The following SLC4A10 variants were observed in gnomAD, a reference collection of about 807,000 sequenced individuals.
The protein encoded by SLC4A10 is solute carrier family 4 member 10.
Under a neutral mutation model 137.7 loss-of-function variants are expected in SLC4A10, and 42 were observed. The ratio of observed to expected loss-of-function variants is 0.30; its 90% CI spans 0.24 to 0.39. The LOEUF (loss-of-function observed/expected upper bound fraction) is 0.39, where lower values mean the gene tolerates loss of function less well. SLC4A10 is among the 10% of genes least tolerant of loss of function. The probability of loss-of-function intolerance (pLI) is 1.00; values close to 1 mark genes in which losing one functional copy is unlikely to be tolerated. For missense variants in SLC4A10, 925 were observed against 1,355.0 expected (o/e 0.68, Z 4.98); for synonymous variants, 474 against 464.1 (o/e 1.02, Z -0.27).
In SLC4A10 at chr2:161,879,305, C is replaced by T. The variant is rs768805044; in HGVS notation, c.1106+17C>T. The T allele has an allele frequency of 2.7e-5, 42 of 1,584,042 alleles. No homozygotes were observed. Among genetic ancestry groups the T allele is most frequent in the Non-Finnish European group, 3.4e-5 (40 of 1,164,276 alleles). On this transcript the variant is annotated intron_variant, in intron 9 of 26. Coordinates refer to ENST00000446997, the MANE Select transcript of SLC4A10 (RefSeq NM_001178015.2). ...CCCAACCAGGTAAAAAGTATAAAAG[C>T]GTCTTTTGTATTTTTCTTAAACCAT...
chr2:161,680,482 C>G (rs1464766167), intron 1 of SLC4A10, among the ~76,000 whole-genome samples: 1 of 151,838 alleles, frequency 6.6e-6, no homozygotes, highest in Admixed American at 6.6e-5. Context: ...AAGTACTGGA[C>G]TGGAATGGCT....
intron 23 of SLC4A10, among the ~76,000 whole-genome samples, chr2:161,968,878 C>T (rs1034726891): frequency 2.2e-4 from 33 of 152,178 alleles, no homozygotes; most frequent in African/African-American, 7.2e-4. Context: ...TTTGTTTGCC[C>T]GGATCTTGGT....
At chr2:161,703,704 A>G (rs1172835809) in intron 1 of SLC4A10, among the ~76,000 whole-genome samples, 1 of 151,746 alleles carries the variant, frequency 6.6e-6, no homozygotes, top group Non-Finnish European at 1.5e-5. Flanking sequence ...GAATCTATTA[A>G]TAACTGGAGT....
At chr2:161,888,565 G>T (rs977520964) in intron 10 of SLC4A10, among the ~76,000 whole-genome samples, 1 of 152,004 alleles carries the variant, frequency 6.6e-6, no homozygotes, top group Admixed American at 6.6e-5. Flanking sequence ...ATTGTGAATG[G>T]GAGTTCACTC....
intron 5 of SLC4A10, among the ~76,000 whole-genome samples, chr2:161,862,011 A>G (rs1165194777): frequency 6.6e-6 from 1 of 152,372 alleles, no homozygotes; most frequent in East Asian, 1.9e-4. Flanking sequence ...AAAAACAATT[A>G]GAGTTAATGT....
chr2:161,770,053 T>G (rs920514810), intron 1 of SLC4A10, among the ~76,000 whole-genome samples: 2 of 151,990 alleles, frequency 1.3e-5, no homozygotes, highest in Non-Finnish European at 2.9e-5. Context: ...TTTCTACTAG[T>G]CATATACTGG....
intron 1 of SLC4A10, among the ~76,000 whole-genome samples, chr2:161,760,556 C>A (rs73017122): frequency 2.4e-3 from 360 of 152,080 alleles, no homozygotes; most frequent in African/African-American, 7.8e-3. Flanking sequence ...TGTCTTTCTC[C>A]CTTTTTCAAA....
chr2:161,771,363 A>G (rs2051584663), intron 2 of SLC4A10, among the ~76,000 whole-genome samples: 1 of 151,884 alleles, frequency 6.6e-6, no homozygotes, highest in East Asian at 1.9e-4. Context: ...AGACATGATG[A>G]CAGATCAGCA....
At chr2:161,706,656 G>A (rs1291676565) in intron 1 of SLC4A10, among the ~76,000 whole-genome samples, 2 of 151,424 alleles carry the variant, frequency 1.3e-5, no homozygotes, top group Non-Finnish European at 3.0e-5. Context: ...TTCCCTAAGG[G>A]TAAAGCTCAC....
intron 10 of SLC4A10, among the ~76,000 whole-genome samples, chr2:161,884,319 C>G (rs549599765): frequency 2.9e-4 from 44 of 152,202 alleles, no homozygotes; most frequent in Middle Eastern, 3.4e-3. Context: ...TGAGAGGATC[C>G]TACTATGTCA....
At chr2:161,795,792 A>G (rs1471911377) in intron 2 of SLC4A10, among the ~76,000 whole-genome samples, 1 of 152,064 alleles carries the variant, frequency 6.6e-6, no homozygotes, top group Non-Finnish European at 1.5e-5. Context: ...TATAAATAAA[A>G]CACTTAGCAT....
chr2:161,805,676 C>A (rs2055869199), intron 3 of SLC4A10, among the ~76,000 whole-genome samples: 1 of 152,222 alleles, frequency 6.6e-6, no homozygotes, highest in African/African-American at 2.4e-5. Context: ...CCATGTCTCA[C>A]ATGCAGGTCA....
intron 1 of SLC4A10, among the ~76,000 whole-genome samples, chr2:161,662,262 C>A (rs575158885): frequency 1.3e-5 from 2 of 152,096 alleles, no homozygotes; most frequent in Admixed American, 1.3e-4. Context: ...AAACCATATC[C>A]AGAACAATCA....
chr2:161,768,973 A>G (rs1343254211), intron 1 of SLC4A10, among the ~76,000 whole-genome samples: 1 of 151,920 alleles, frequency 6.6e-6, no homozygotes, highest in Non-Finnish European at 1.5e-5. Context: ...TGAAAGATGC[A>G]TCTTCTGGGC....
At chr2:161,917,457 A>G (rs944649158) in intron 15 of SLC4A10, among the ~76,000 whole-genome samples, 2 of 152,062 alleles carry the variant, frequency 1.3e-5, no homozygotes, top group Non-Finnish European at 2.9e-5. Context: ...TAGGTTACAT[A>G]AAAAGTGTAT....
At chr2:161,783,001 A>C (rs931565846) in intron 2 of SLC4A10, among the ~76,000 whole-genome samples, 1 of 151,912 alleles carries the variant, frequency 6.6e-6, no homozygotes, top group Admixed American at 6.6e-5. Flanking sequence ...ACCCCCAAAA[A>C]GGAAAACTTA....
At chr2:161,732,331 A>G (rs11901817) in intron 1 of SLC4A10, among the ~76,000 whole-genome samples, 33,440 of 152,110 alleles carry the variant, frequency 0.22, 4,288 homozygotes, top group African/African-American at 0.37. Flanking sequence ...GTTGCCAGCC[A>G]TTAGTTAGCT....
intron 4 of SLC4A10, among the ~76,000 whole-genome samples, chr2:161,850,516 T>C (rs2059767959): frequency 6.6e-6 from 1 of 152,196 alleles, no homozygotes; most frequent in African/African-American, 2.4e-5. Flanking sequence ...GTGTTCATAA[T>C]AGTCTCTTAG....
rs1413413297 is a variant in SLC4A10 at position 161,651,919 on chromosome 2, AG to A, written c.48+27355del. The stretch of plus-strand genomic sequence containing the variant: ...ATCCCAGTGGACCTGAGCAATACTC[AG>A]GCAGAAGGCGCCGCTGGCCACAGAG... On this transcript the variant is annotated intron_variant, in intron 1 of 26. Transcript: ENST00000446997. 2.6e-5 allele frequency among the ~76,000 whole-genome samples: 4 copies of A among 152,352 alleles called. No homozygotes were observed. The East Asian group carries it at 7.7e-4, about 29-fold the overall frequency.
Sources: gnomAD v4.1 joint callset for allele counts (sites outside exome capture counted in the v4.1 genomes callset) on GRCh38, gnomAD v4.1.1 for gene constraint, MANE v1.5 for transcripts, NCBI Gene and HGNC (gene_info 2026-07-23, HGNC 2026-07-21) for gene names.